PCDHGA4: variants seen among roughly 807,000 people sequenced by gnomAD.
The protein encoded by PCDHGA4 is protocadherin gamma-A4.
Under a neutral mutation model 54.6 loss-of-function variants are expected in PCDHGA4, and 38 were observed. That is an observed-to-expected ratio of 0.70 (90% CI 0.54 to 0.91). The LOEUF is 0.91. Ranked by LOEUF, PCDHGA4 falls within the 40% of genes least tolerant of loss-of-function variation. The pLI is 0.00. For synonymous variants in PCDHGA4, 511 were observed against 512.9 expected (o/e 1.00, Z 0.05); for missense variants, 1,298 against 1,220.9 (o/e 1.06, Z -0.94).
intron 1 of PCDHGA4, chr5:141,361,656 G>A: frequency 1.2e-6 from 2 of 1,613,748 alleles, no homozygotes; most frequent in Non-Finnish European, 1.7e-6. Context: ...ACGTGTCCGT[G>A]AGCGCGCAGA....
At chr5:141,418,669 C>T (rs2096278985) in intron 1 of PCDHGA4, 1 of 1,614,018 alleles carries the variant, frequency 6.2e-7, no homozygotes, top group Non-Finnish European at 8.5e-7. Flanking sequence ...CTGACCAGGA[C>T]GAGGGCATCA....
intron 1 of PCDHGA4, chr5:141,398,715 G>A: frequency 1.2e-6 from 2 of 1,613,850 alleles, no homozygotes; most frequent in Non-Finnish European, 1.7e-6. Flanking sequence ...AACTGGCACT[G>A]GAGAAAACCT....
intron 1 of PCDHGA4, chr5:141,421,469 G>C (rs767500900): frequency 2.5e-6 from 4 of 1,614,122 alleles, no homozygotes; most frequent in Non-Finnish European, 3.4e-6. Context: ...GTGAATCCGC[G>C]AAGCGGCAGC....
At chr5:141,445,538 G>A (rs1188324168) in intron 1 of PCDHGA4, among the ~76,000 whole-genome samples, 1 of 152,168 alleles carries the variant, frequency 6.6e-6, no homozygotes, top group African/African-American at 2.4e-5. Flanking sequence ...AGCCAACAAG[G>A]AGAAATACAA....
intron 1 of PCDHGA4, among the ~76,000 whole-genome samples, chr5:141,373,439 C>T (rs9324846): frequency 0.027 from 4,173 of 152,294 alleles, 185 homozygotes; most frequent in African/African-American, 0.096. Context: ...GGGAGGATCC[C>T]TTGATCCCAG....
rs1480686339 is a variant in PCDHGA4, at chr5:141,415,643, A to G, written c.2514+58022A>G. ...TTTATTTTCATTTTTACTTTTGTTA[A>G]AAAAAAAAAGATTGGTTTTTACTTT... is the stretch of plus-strand genomic sequence containing the variant. On this transcript the variant is annotated intron_variant, in intron 1 of 3. Transcript: ENST00000571252. The G allele has an allele frequency of 5.1e-6, 8 of 1,571,752 alleles. No individual in the cohort carries two copies. In the South Asian group the frequency reaches 9.1e-5, roughly 18 times the overall value.
intron 1 of PCDHGA4, among the ~76,000 whole-genome samples, chr5:141,438,637 C>G (rs11958903): frequency 3.2e-5 from 1 of 30,940 alleles, no homozygotes. Context: ...TATATATATA[C>G]ACACACACAC....
chr5:141,447,427 C>T (rs752438597), intron 1 of PCDHGA4, among the ~76,000 whole-genome samples: 2 of 152,174 alleles, frequency 1.3e-5, no homozygotes, highest in Non-Finnish European at 2.9e-5. Context: ...CGTGAGCCAC[C>T]GCACCCGGAG....
chr5:141,436,842 T>G (rs986680968), intron 1 of PCDHGA4, among the ~76,000 whole-genome samples: 3 of 152,376 alleles, frequency 2.0e-5, no homozygotes, highest in African/African-American at 7.2e-5. Flanking sequence ...CCTAGGCACA[T>G]TCTTGATTGA....
At chr5:141,425,842 T>G (rs2096897830) in intron 1 of PCDHGA4, among the ~76,000 whole-genome samples, 1 of 152,230 alleles carries the variant, frequency 6.6e-6, no homozygotes, top group Non-Finnish European at 1.5e-5. Context: ...TTCTCTTTGC[T>G]GGGTTAATGA....
rs2095763034 is a variant in PCDHGA4, at chr5:141,414,586, A to G, written c.2514+56965A>G. 1.2e-6 allele frequency: 2 copies of G among 1,613,964 alleles called. No individual in the cohort carries two copies. The highest frequency in any genetic ancestry group is 8.5e-7 in the Non-Finnish European group (1 of 1,179,880). On this transcript the variant is annotated intron_variant, in intron 1 of 3. Transcript: ENST00000571252. ...TACCTATATCCCAGAGAACAACGCC[A>G]GGGGTGCCTCCATCTTCTCAGTGAC...
At position 141,510,993 on chromosome 5, in the gene PCDHGA4, G is replaced by A. The variant is rs1457918073; in HGVS notation, c.2709G>A (p.Met903Ile). The A allele has an allele frequency of 4.3e-6, 7 of 1,614,046 alleles. No homozygotes were observed. Among genetic ancestry groups the A allele is most frequent in the African/African-American group, 1.3e-5 (1 of 74,906 alleles). ...CCCTGGGAGGGGGTGCCGGCACCAT[G>A]GGATTGAGCGCCCGCTACGGACCCC... ...SSTLGGGAGT[M>I]GLSARYGPQF... The change falls in exon 4 of 4, where the codon ATG (methionine) becomes ATA (isoleucine). Residue 903 changes from methionine to isoleucine, a missense_variant. Transcript: ENST00000571252.
In PCDHGA4 at chr5:141,510,353, C is replaced by G. The variant is rs74759939; in HGVS notation, c.2663-594C>G. On this transcript the variant is annotated intron_variant, in intron 3 of 3. Transcript: ENST00000571252. ...CACCCCCACCCCACACACTTACTAA[C>G]GGAACTACCGAATCTCTACTCGTGC... is the stretch of plus-strand genomic sequence containing the variant. Among the ~76,000 whole-genome samples the G allele has an allele frequency of 1.9e-4, 28 of 146,588 alleles. No homozygotes were observed. The East Asian group carries it at 5.6e-3, about 29-fold the overall frequency.
At chr5:141,394,332 A>G (rs1270394666) in intron 1 of PCDHGA4, 2 of 1,614,010 alleles carry the variant, frequency 1.2e-6, no homozygotes, top group Admixed American at 1.7e-5. Context: ...GTATATCTCC[A>G]TCAACTCTGA....
chr5:141,481,312 T>C (rs953898526), intron 1 of PCDHGA4, among the ~76,000 whole-genome samples: 1 of 152,200 alleles, frequency 6.6e-6, no homozygotes, highest in Non-Finnish European at 1.5e-5. Flanking sequence ...AAAACCTTCC[T>C]AAAGCACTAG....
At chr5:141,494,250 G>C (rs908660385) in intron 1 of PCDHGA4, among the ~76,000 whole-genome samples, 3 of 152,182 alleles carry the variant, frequency 2.0e-5, no homozygotes, top group African/African-American at 7.2e-5. Flanking sequence ...TTTAGCTGTG[G>C]GAAGAGATTC....
chr5:141,386,917 T>C (rs535277219), intron 1 of PCDHGA4, among the ~76,000 whole-genome samples: 1 of 152,302 alleles, frequency 6.6e-6, no homozygotes, highest in Non-Finnish European at 1.5e-5. Flanking sequence ...CCAAGGAATG[T>C]AAAATAAGTG....
chr5:141,406,732 G>A (rs1190275382), intron 1 of PCDHGA4, among the ~76,000 whole-genome samples: 1 of 152,142 alleles, frequency 6.6e-6, no homozygotes, highest in Non-Finnish European at 1.5e-5. Context: ...TCTAAGACTG[G>A]ACACTGTGAA....
chr5:141,398,175 G>C, intron 1 of PCDHGA4: 1 of 1,475,074 alleles, frequency 6.8e-7, no homozygotes, highest in Non-Finnish European at 9.0e-7. Flanking sequence ...GGCTGCCAGT[G>C]CTCTTTCTCT....
Sources: gnomAD v4.1 joint callset for allele counts (sites outside exome capture counted in the v4.1 genomes callset) on GRCh38, gnomAD v4.1.1 for gene constraint, MANE v1.5 for transcripts, NCBI Gene and HGNC (gene_info 2026-07-23, HGNC 2026-07-21) for gene names.